SNX14: variants seen among roughly 807,000 people sequenced by gnomAD.
The protein encoded by SNX14 is sorting nexin-14.
SNX14 carries 93 observed loss-of-function variants against 133.8 expected under a neutral mutation model. The ratio of observed to expected loss-of-function variants is 0.70; its 90% CI spans 0.59 to 0.83. SNX14 has a LOEUF of 0.83. Among genes scored for constraint, SNX14 ranks in the 40% least tolerant of loss-of-function variants. The pLI, the probability that SNX14 is intolerant of heterozygous loss-of-function variation, is 0.00. For synonymous variants in SNX14, 368 were observed against 365.6 expected (o/e 1.01, Z -0.07); for missense variants, 945 against 1,094.9 (o/e 0.86, Z 1.93).
chr6:85,511,614 A>C (rs1772852255), intron 26 of SNX14, among the ~76,000 whole-genome samples: 1 of 152,160 alleles, frequency 6.6e-6, no homozygotes, highest in Admixed American at 6.5e-5. Context: ...AGTGGGTGTT[A>C]GATTTTGTCA....
At chr6:85,570,233 C>G (rs183709443) in intron 4 of SNX14, among the ~76,000 whole-genome samples, 2 of 152,270 alleles carry the variant, frequency 1.3e-5, no homozygotes, top group East Asian at 3.9e-4. Flanking sequence ...TATAAGATAT[C>G]AAAATATGTT....
chr6:85,521,956 A>G (rs1003626143), intron 21 of SNX14, among the ~76,000 whole-genome samples: 1 of 152,190 alleles, frequency 6.6e-6, no homozygotes, highest in African/African-American at 2.4e-5. Context: ...ATTCTTCTGC[A>G]TATGGATATC....
chr6:85,569,496 T>C (rs1237627915), intron 4 of SNX14, among the ~76,000 whole-genome samples: 1 of 152,192 alleles, frequency 6.6e-6, no homozygotes, highest in Non-Finnish European at 1.5e-5. Context: ...GCTGCATCAC[T>C]TCCTTTTCAC....
At chr6:85,571,844 C>A (rs1795720320) in intron 4 of SNX14, among the ~76,000 whole-genome samples, 1 of 152,288 alleles carries the variant, frequency 6.6e-6, no homozygotes, top group African/African-American at 2.4e-5. Flanking sequence ...TTTGGAATTA[C>A]AAAATGATAT....
chr6:85,520,978 C>T (rs1436027005), intron 21 of SNX14, among the ~76,000 whole-genome samples: 1 of 152,180 alleles, frequency 6.6e-6, no homozygotes, highest in Non-Finnish European at 1.5e-5. Context: ...AGAGGAACTG[C>T]TGGGTCCTTC....
rs1416025302 is a variant in SNX14 at position 85,517,779 on chromosome 6, G to A, written c.2245C>T (p.Pro749Ser). 1 of 1,602,618 alleles carries A rather than the reference G, an allele frequency of 6.2e-7. No individual in the cohort carries two copies. The highest frequency in any genetic ancestry group is 1.8e-5 in the Admixed American group (1 of 56,560). The part of the protein sequence containing the change: ...PSRPELTILS[P>S]TSENNKKLFN... ...ACCTTCTTGTTGTTTTCTGAAGTAG[G>A]GCTGAGAATGGTCAGTTCTGGTCTA... The change falls in exon 23 of 29, where the codon CCT becomes TCT. Residue 749 changes from proline to serine, a missense_variant. Transcript: ENST00000314673.
intron 26 of SNX14, among the ~76,000 whole-genome samples, chr6:85,510,205 G>A (rs953539129): frequency 1.3e-5 from 2 of 152,098 alleles, no homozygotes; most frequent in Non-Finnish European, 2.9e-5. Context: ...AGTTTTGTAA[G>A]AAACTGCTCA....
chr6:85,506,090 C>T, intron 28 of SNX14, 85 bp from the exon 29 acceptor site: 1 of 856,996 alleles, frequency 1.2e-6, no homozygotes, highest in Non-Finnish European at 2.0e-6. Context: ...TATTAAAATT[C>T]TAACCTAAGA....
intron 23 of SNX14, among the ~76,000 whole-genome samples, chr6:85,516,088 C>CA (rs1418685188): frequency 4.6e-5 from 7 of 152,042 alleles, no homozygotes; most frequent in Admixed American, 4.6e-4. Flanking sequence ...CAATGAGGTT[C>CA]AAAAAATATC....
intron 7 of SNX14, among the ~76,000 whole-genome samples, chr6:85,555,224 CTT>C: frequency 6.6e-6 from 1 of 152,274 alleles, no homozygotes; most frequent in Non-Finnish European, 1.5e-5. Flanking sequence ...GGCTTCTTGT[CTT>C]TGTCTTTAGA....
chr6:85,562,390 C>A (rs924413827), intron 6 of SNX14, among the ~76,000 whole-genome samples: 1 of 152,068 alleles, frequency 6.6e-6, no homozygotes, highest in South Asian at 2.1e-4. Flanking sequence ...CTTTACTTGA[C>A]TATTTAAGAT....
In SNX14 at chr6:85,593,627, A is replaced by C; in HGVS notation, c.92T>G (p.Phe31Cys). 1 of 1,613,526 alleles carries C rather than the reference A, an allele frequency of 6.2e-7. No homozygotes were observed. The highest frequency in any genetic ancestry group is 1.3e-5 in the African/African-American group (1 of 75,060). The change falls in exon 1 of 29, where the codon TTC (phenylalanine) becomes TGC (cysteine). Residue 31 changes from phenylalanine to cysteine, a missense_variant. This residue lies in a region of SNX14 where 514 missense variants were observed against 538.8 expected (regional missense o/e 0.95). Coordinates refer to ENST00000314673, the MANE Select transcript of SNX14 (RefSeq NM_153816.6). ...GREICRQYPLFCFLLLCLSAA... is the reference protein window; with the variant it reads ...GREICRQYPLCCFLLLCLSAA... Reference sequence around the variant, plus strand: ...GCTGAGACAGAGCAGCAGGAAGCAGAACAGCGGGTACTGGCGGCAGATCTC... The same window carrying C: ...GCTGAGACAGAGCAGCAGGAAGCAGCACAGCGGGTACTGGCGGCAGATCTC...
chr6:85,523,820 A>C (rs1450173311), intron 21 of SNX14, among the ~76,000 whole-genome samples: 2 of 152,110 alleles, frequency 1.3e-5, no homozygotes, highest in South Asian at 2.1e-4. Context: ...GGTAATGGTA[A>C]AATTTCAAGC....
chr6:85,590,459 C>CA (rs1184315579), intron 1 of SNX14, among the ~76,000 whole-genome samples: 2 of 152,046 alleles, frequency 1.3e-5, no homozygotes, highest in African/African-American at 2.4e-5. Context: ...CTTGCTTTTA[C>CA]AAAAAAACAC....
At chr6:85,587,173 C>A (rs1268537397) in intron 1 of SNX14, among the ~76,000 whole-genome samples, 1 of 151,586 alleles carries the variant, frequency 6.6e-6, no homozygotes, top group Non-Finnish European at 1.5e-5. Context: ...GGCCACCTCA[C>A]CCACTCTATA....
In SNX14 at chr6:85,505,528, T is replaced by C; in HGVS notation, c.*439A>G. 6.0e-6 allele frequency: 1 copy of C among 165,786 alleles called. No homozygotes were observed. The highest frequency in any genetic ancestry group is 1.3e-5 in the Non-Finnish European group (1 of 78,192). The allele number at this position is 165,786 out of a possible 1,614,324, so 10.3% of individuals were successfully genotyped here. On this transcript the variant is annotated 3_prime_UTR_variant, in exon 29 of 29. Transcript: ENST00000314673. ...TTAAAAACTCATATAGGATGCTTTA[T>C]TTATAGATACACAGTTAACTATGTA...
chr6:85,561,680 C>A (rs887836474), intron 6 of SNX14, among the ~76,000 whole-genome samples: 6 of 152,102 alleles, frequency 3.9e-5, no homozygotes, highest in Non-Finnish European at 7.4e-5. Flanking sequence ...ATCAGCCCAC[C>A]ACCACACTAA....
At chr6:85,587,334 C>G (rs928621866) in intron 1 of SNX14, among the ~76,000 whole-genome samples, 1 of 152,000 alleles carries the variant, frequency 6.6e-6, no homozygotes, top group Admixed American at 6.6e-5. Context: ...AAAGACAAAC[C>G]TCTAGCAAGA....
At chr6:85,512,919 A>C (rs1773469203) in intron 26 of SNX14, among the ~76,000 whole-genome samples, 1 of 152,034 alleles carries the variant, frequency 6.6e-6, no homozygotes, top group Admixed American at 6.6e-5. Flanking sequence ...ACTAGGATGG[A>C]GTGATGATGG....
Sources: gnomAD v4.1 joint callset for allele counts (sites outside exome capture counted in the v4.1 genomes callset) on GRCh38, gnomAD v4.1.1 for gene constraint, gnomAD v4.1.1 regional missense constraint, MANE v1.5 for transcripts, NCBI Gene and HGNC (gene_info 2026-07-23, HGNC 2026-07-21) for gene names.